Variants in GJB7 observed in about 807,000 individuals in gnomAD.
The protein encoded by GJB7 is gap junction beta-7 protein.
For synonymous variants in GJB7, 87 were observed against 95.2 expected (o/e 0.91, Z 0.50); for missense variants, 253 against 256.8 (o/e 0.99, Z 0.10).
intron 2 of GJB7, chr6:87,299,976 G>A (rs543601523): frequency 4.8e-5 from 16 of 332,004 alleles, no homozygotes; most frequent in African/African-American, 3.4e-4. Context: ...CTGAAGGCTG[G>A]TGGGACAAGT....
chr6:87,326,413 A>C (rs1256619943), intron 1 of GJB7, among the ~76,000 whole-genome samples: 1 of 151,782 alleles, frequency 6.6e-6, no homozygotes, highest in Admixed American at 6.6e-5. Flanking sequence ...TAGGGCTATA[A>C]ATTTCCCTCT....
chr6:87,301,415 C>T (rs901155402), intron 2 of GJB7, among the ~76,000 whole-genome samples: 11 of 152,184 alleles, frequency 7.2e-5, no homozygotes, highest in Non-Finnish European at 8.8e-5. Context: ...CCCACACCCA[C>T]GGAGCCTCAC....
In GJB7 at chr6:87,283,167, A is replaced by C. The variant is rs1220794793; in HGVS notation, c.*1074T>G. The C allele has an allele frequency of 6.6e-6, 1 of 152,262 alleles. No homozygotes were observed. The highest frequency in any genetic ancestry group is 1.5e-5 in the Non-Finnish European group (1 of 68,052). The allele number at this position is 152,262 out of a possible 1,614,324, so 9.4% of individuals were successfully genotyped here. On this transcript the variant is annotated 3_prime_UTR_variant, in exon 3 of 3. Transcript: ENST00000525899. The stretch of plus-strand genomic sequence containing the variant: ...GTAACAACATAGTACACATTTTACT[A>C]TCTGTCCTAGAGGGAGATATACTAG...
intron 2 of GJB7, among the ~76,000 whole-genome samples, chr6:87,312,712 C>T (rs533990734): frequency 4.9e-4 from 74 of 152,328 alleles, no homozygotes; most frequent in Non-Finnish European, 4.3e-4. Flanking sequence ...TTATTACATA[C>T]CTGCTGCCAC....
rs901122780 is a variant in GJB7 at position 87,317,109 on chromosome 6, C to T, written c.-28+5757G>A. Reference sequence around the variant, plus strand: ...GTGGCTCATGCCTGTAATCTCAGCACTTTGGGAGGCTGAGGTGGATGGATC... The same window carrying T: ...GTGGCTCATGCCTGTAATCTCAGCATTTTGGGAGGCTGAGGTGGATGGATC... On this transcript the variant is annotated intron_variant, in intron 2 of 2. Coordinates refer to ENST00000525899, the MANE Select transcript of GJB7 (RefSeq NM_198568.3). 4.4e-4 allele frequency among the ~76,000 whole-genome samples: 66 copies of T among 151,432 alleles called. 1 individual carries two copies. Among genetic ancestry groups the T allele is most frequent in the African/African-American group, 1.6e-3 (65 of 41,250 alleles).
rs576889502 is a variant in GJB7, at chr6:87,320,204, G to A, written c.-28+2662C>T. On this transcript the variant is annotated intron_variant, in intron 2 of 2. Transcript: ENST00000525899. ...TTTGTAACATAAATGATAAATCCTCGATGTGGTGGATACCCCATTTACCCT... is the reference window on the plus strand; with the variant it reads ...TTTGTAACATAAATGATAAATCCTCAATGTGGTGGATACCCCATTTACCCT... Among the ~76,000 whole-genome samples the A allele has an allele frequency of 1.4e-4, 22 of 152,208 alleles. No individual in the cohort carries two copies. In the South Asian group the frequency reaches 3.9e-3, roughly 27 times the overall value.
At chr6:87,305,790 C>A (rs1447496681) in intron 2 of GJB7, among the ~76,000 whole-genome samples, 1 of 152,178 alleles carries the variant, frequency 6.6e-6, no homozygotes, top group Admixed American at 6.6e-5. Context: ...TACAAGGCTA[C>A]GGTAACCAAA....
chr6:87,319,486 A>T (rs912621623), intron 2 of GJB7, among the ~76,000 whole-genome samples: 1 of 152,250 alleles, frequency 6.6e-6, no homozygotes, highest in Non-Finnish European at 1.5e-5. Context: ...CAGATCACTG[A>T]GAACCCTAAG....
intron 2 of GJB7, among the ~76,000 whole-genome samples, chr6:87,296,996 G>C (rs914048532): frequency 6.6e-6 from 1 of 152,198 alleles, no homozygotes; most frequent in East Asian, 1.9e-4. Context: ...GGAAGGGCCT[G>C]GGCAGTATGT....
Position 87,328,908 on chromosome 6 carries a change from C to T in GJB7, c.-206+230G>A, listed in dbSNP as rs182314049. ...GCTGTGCTAGCAATCAGCCAGACTC[C>T]GTGGGCGTAGGACCCTCCGAACCAC... On this transcript the variant is annotated intron_variant, in intron 1 of 2. Coordinates refer to ENST00000525899, the MANE Select transcript of GJB7 (RefSeq NM_198568.3). Among the ~76,000 whole-genome samples the T allele has an allele frequency of 1.2e-3, 181 of 152,338 alleles. 2 individuals carry two copies. The highest frequency in any genetic ancestry group is 4.0e-3 in the African/African-American group (167 of 41,576).
At chr6:87,287,771 G>A (rs1582552897) in intron 2 of GJB7, among the ~76,000 whole-genome samples, 1 of 152,184 alleles carries the variant, frequency 6.6e-6, no homozygotes. Context: ...AGAGGTAGGA[G>A]GAAGGTAAGA....
chr6:87,307,755 G>C (rs1257390838), intron 2 of GJB7, among the ~76,000 whole-genome samples: 1 of 152,172 alleles, frequency 6.6e-6, no homozygotes, highest in African/African-American at 2.4e-5. Flanking sequence ...TGGAGAAATA[G>C]GAACACTTTT....
chr6:87,323,644 T>G (rs1308142216), intron 1 of GJB7, among the ~76,000 whole-genome samples: 13 of 152,174 alleles, frequency 8.5e-5, no homozygotes, highest in Non-Finnish European at 2.9e-5. Context: ...ATGGTGTATA[T>G]GTGCCACATT....
At chr6:87,290,808 G>C (rs990712914) in intron 2 of GJB7, among the ~76,000 whole-genome samples, 1 of 152,192 alleles carries the variant, frequency 6.6e-6, no homozygotes, top group African/African-American at 2.4e-5. Flanking sequence ...CTGCAGTGTG[G>C]AGTAGTTGCG....
chr6:87,327,365 GT>G (rs1435476387), intron 1 of GJB7, among the ~76,000 whole-genome samples: 41 of 151,974 alleles, frequency 2.7e-4, no homozygotes, highest in African/African-American at 9.9e-4. Context: ...AGTCTCAATG[GT>G]CTTTACATTT....
At chr6:87,299,442 G>A (rs550090518) in intron 2 of GJB7, 54 of 455,520 alleles carry the variant, frequency 1.2e-4, no homozygotes, top group South Asian at 4.7e-4. Context: ...TTATTAATAC[G>A]TCAAAAGGTT....
At position 87,284,766 on chromosome 6, in the gene GJB7, T is replaced by C; in HGVS notation, c.147A>G (p.Lys49=). 1 of 1,614,112 alleles carries C rather than the reference T, an allele frequency of 6.2e-7. No individual in the cohort carries two copies. The highest frequency in any genetic ancestry group is 8.5e-7 in the Non-Finnish European group (1 of 1,180,006). Residue 49 remains lysine, a synonymous_variant, in exon 3 of 3, where the codon AAA becomes AAG. Transcript: ENST00000525899. The part of the protein sequence containing the change: ...AAEHVWKDEQ[K]EFECNSRQPG... Reference sequence around the variant, plus strand: ...GCTGTCTACTGTTGCACTCAAACTCTTTCTGCTCATCTTTCCACACGTGCT... The same window carrying C: ...GCTGTCTACTGTTGCACTCAAACTCCTTCTGCTCATCTTTCCACACGTGCT...
rs976378454 is a variant in GJB7, at chr6:87,284,667, T to C, written c.246A>G (p.Ile82Met). ...CCAGAAGTGAAGGTGTGGAGACCAT[T>C]ATCAGTTGTAAGGCCCAAAGTCTGA... Reference protein sequence around the residue: ...SQVRLWALQLIMVSTPSLLVV... With the variant: ...SQVRLWALQLMMVSTPSLLVV... The change falls in exon 3 of 3, where the codon ATA (isoleucine) becomes ATG (methionine). Residue 82 changes from isoleucine to methionine, a missense_variant. Ile to Met is a conservative substitution (Grantham distance 10). Coordinates refer to ENST00000525899, the MANE Select transcript of GJB7 (RefSeq NM_198568.3). The C allele has an allele frequency of 3.1e-6, 5 of 1,613,986 alleles. No individual in the cohort carries two copies. Among genetic ancestry groups the C allele is most frequent in the Non-Finnish European group, 4.2e-6 (5 of 1,180,020 alleles).
intron 1 of GJB7, among the ~76,000 whole-genome samples, chr6:87,328,216 C>T (rs1189659057): frequency 6.6e-6 from 1 of 152,172 alleles, no homozygotes; most frequent in Non-Finnish European, 1.5e-5. Context: ...TCCCGTAGCT[C>T]GGAATAATTT....
Sources: gnomAD v4.1 joint callset for allele counts (sites outside exome capture counted in the v4.1 genomes callset) on GRCh38, gnomAD v4.1.1 for gene constraint, MANE v1.5 for transcripts, NCBI Gene and HGNC (gene_info 2026-07-23, HGNC 2026-07-21) for gene names.